CCDC85A: variants seen among roughly 807,000 people sequenced by gnomAD.
CCDC85A encodes coiled-coil domain containing 85A.
In CCDC85A, 38 loss-of-function variants were observed where a neutral mutation model predicts 50.2. The observed-to-expected ratio is 0.76, with a 90% CI of 0.58 to 0.99. The LOEUF (loss-of-function observed/expected upper bound fraction) is 0.99. Among genes scored for constraint, CCDC85A ranks in the 50% least tolerant of loss-of-function variants. The probability of loss-of-function intolerance (pLI) is 0.00; values close to 1 mark genes in which losing one functional copy is unlikely to be tolerated. For missense variants in CCDC85A, 820 were observed against 742.0 expected (o/e 1.11, Z -1.22); for synonymous variants, 366 against 301.4 (o/e 1.21, Z -2.22).
intron 2 of CCDC85A, among the ~76,000 whole-genome samples, chr2:56,259,478 C>G (rs1670131249): frequency 6.6e-6 from 1 of 152,168 alleles, no homozygotes; most frequent in South Asian, 2.1e-4. Flanking sequence ...AGGAATGTGC[C>G]CACTGGGAGC....
intron 1 of CCDC85A, among the ~76,000 whole-genome samples, chr2:56,190,134 G>A (rs1483378334): frequency 6.6e-6 from 1 of 152,248 alleles, no homozygotes; most frequent in Non-Finnish European, 1.5e-5. Context: ...GTTAAGGGCA[G>A]TGTTGAAATC....
chr2:56,193,385 G>T lies in CCDC85A; in HGVS notation c.1185G>T (p.Arg395=). The T allele has an allele frequency of 6.2e-7, 1 of 1,611,180 alleles. No individual in the cohort carries two copies. Among genetic ancestry groups the T allele is most frequent in the Non-Finnish European group, 8.5e-7 (1 of 1,178,678 alleles). ...GCAGCAGGGAGGGCACCCTCAGACGGCAGGCACAGGAGGACGGGTCACCCC... is the reference window on the plus strand; with the variant it reads ...GCAGCAGGGAGGGCACCCTCAGACGTCAGGCACAGGAGGACGGGTCACCCC... ...GGGSREGTLR[R]QAQEDGSPHH... is the part of the protein sequence containing the mutation. Residue 395 remains arginine (R), a synonymous_variant, in exon 2 of 6, where the codon CGG becomes CGT. Transcript: ENST00000407595.
chr2:56,329,945 G>GTTTTTTTTTTTTTTTTTTTTT (rs535050957), intron 2 of CCDC85A, among the ~76,000 whole-genome samples: 3 of 44,162 alleles, frequency 6.8e-5, no homozygotes, highest in Non-Finnish European at 9.6e-5. Context: ...CAGATTTCCT[G>GTTTTTTTTTTTTTTTTTTTTT]TTTTTTTTTT....
rs74530080 is a variant in CCDC85A, at chr2:56,360,836, C to T, written c.1318-11508C>T. Among the ~76,000 whole-genome samples, 17 of 152,296 alleles carry T rather than the reference C, an allele frequency of 1.1e-4. No individual in the cohort carries two copies. The East Asian group carries it at 3.3e-3, about 29-fold the overall frequency. On this transcript the variant is annotated intron_variant, in intron 3 of 5. Coordinates refer to ENST00000407595, the MANE Select transcript of CCDC85A (RefSeq NM_001080433.2). ...ATATAGGCTAAACAGAAGCAGTGAC[C>T]TCACTATTTGGAATGAGAAAGGTTA...
At chr2:56,299,793 C>G (rs1199306132) in intron 2 of CCDC85A, among the ~76,000 whole-genome samples, 1 of 152,054 alleles carries the variant, frequency 6.6e-6, no homozygotes, top group Non-Finnish European at 1.5e-5. Context: ...CCCATGATTC[C>G]CTGCCACTGT....
At chr2:56,348,583 G>A (rs1486466180) in intron 3 of CCDC85A, among the ~76,000 whole-genome samples, 1 of 152,208 alleles carries the variant, frequency 6.6e-6, no homozygotes, top group East Asian at 1.9e-4. Flanking sequence ...GGTTGCCAGA[G>A]CAGTCTCTGA....
intron 2 of CCDC85A, among the ~76,000 whole-genome samples, chr2:56,266,317 C>G (rs1402896989): frequency 6.6e-6 from 1 of 152,120 alleles, no homozygotes; most frequent in Non-Finnish European, 1.5e-5. Flanking sequence ...CCCCTATAGT[C>G]CCAACTACTC....
At chr2:56,186,265 T>C (rs898145397) in intron 1 of CCDC85A, among the ~76,000 whole-genome samples, 1 of 152,194 alleles carries the variant, frequency 6.6e-6, no homozygotes, top group African/African-American at 2.4e-5. Flanking sequence ...CTTTGGGGAA[T>C]AGAGGCAGGC....
At chr2:56,266,019 A>T (rs2104039533) in intron 2 of CCDC85A, among the ~76,000 whole-genome samples, 1 of 152,344 alleles carries the variant, frequency 6.6e-6, no homozygotes, top group South Asian at 2.1e-4. Flanking sequence ...AGAGGACATT[A>T]TGCTAAGTGA....
chr2:56,277,494 C>G (rs2104089971), intron 2 of CCDC85A, among the ~76,000 whole-genome samples: 1 of 152,200 alleles, frequency 6.6e-6, no homozygotes, highest in African/African-American at 2.4e-5. Flanking sequence ...CCATTTGACA[C>G]TGGAGACATG....
intron 3 of CCDC85A, among the ~76,000 whole-genome samples, chr2:56,370,543 T>C (rs1309437522): frequency 6.6e-6 from 1 of 152,110 alleles, no homozygotes; most frequent in Non-Finnish European, 1.5e-5. Flanking sequence ...TTCCCCCTTA[T>C]GAGATTAATA....
At chr2:56,352,182 C>G (rs1029903082) in intron 3 of CCDC85A, among the ~76,000 whole-genome samples, 1 of 152,114 alleles carries the variant, frequency 6.6e-6, no homozygotes, top group Non-Finnish European at 1.5e-5. Flanking sequence ...AAGTTGGTGC[C>G]TTCTGTATCC....
At chr2:56,183,920 G>T (rs536097242), upstream of CCDC85A, 461 of 985,416 alleles carry the variant, frequency 4.7e-4, 2 homozygotes, top group African/African-American at 7.3e-3. Context: ...AGCCCATGCG[G>T]GAGCTGCTGC....
At chr2:56,265,036 C>T (rs1670377542) in intron 2 of CCDC85A, among the ~76,000 whole-genome samples, 1 of 152,180 alleles carries the variant, frequency 6.6e-6, no homozygotes, top group East Asian at 1.9e-4. Context: ...CAGGTTACCT[C>T]TGCCCCTTAC....
At chr2:56,310,133 ATTTTTAACCAC>A (rs1197017751) in intron 2 of CCDC85A, among the ~76,000 whole-genome samples, 4 of 152,116 alleles carry the variant, frequency 2.6e-5, no homozygotes, top group Non-Finnish European at 4.4e-5. Context: ...TTCTGTCTCC[ATTTTTAACCAC>A]TGTTTAACCT....
At chr2:56,233,482 T>C (rs780130104) in intron 2 of CCDC85A, among the ~76,000 whole-genome samples, 10 of 152,198 alleles carry the variant, frequency 6.6e-5, no homozygotes, top group Non-Finnish European at 1.3e-4. Flanking sequence ...CCATTGTAAC[T>C]ACCCAACTCC....
At chr2:56,282,129 T>A (rs534020389) in intron 2 of CCDC85A, among the ~76,000 whole-genome samples, 1 of 147,376 alleles carries the variant, frequency 6.8e-6, no homozygotes, top group African/African-American at 2.5e-5. Flanking sequence ...ATTTTGAGAG[T>A]TTTTTTTTTA....
chr2:56,274,022 T>C (rs1408460714), intron 2 of CCDC85A, among the ~76,000 whole-genome samples: 24 of 152,172 alleles, frequency 1.6e-4, no homozygotes, highest in Admixed American at 1.6e-3. Flanking sequence ...CTAAATGTTT[T>C]AATTTAACTG....
At chr2:56,208,708 C>G (rs1201025283) in intron 2 of CCDC85A, among the ~76,000 whole-genome samples, 2 of 152,036 alleles carry the variant, frequency 1.3e-5, no homozygotes, top group South Asian at 2.1e-4. Flanking sequence ...CCTTCCTTTT[C>G]CTCCTCTAGG....
Sources: gnomAD v4.1 joint callset for allele counts (sites outside exome capture counted in the v4.1 genomes callset) on GRCh38, gnomAD v4.1.1 for gene constraint, MANE v1.5 for transcripts, NCBI Gene and HGNC (gene_info 2026-07-23, HGNC 2026-07-21) for gene names.